Variants in TRIM40 observed in about 807,000 individuals in gnomAD.
TRIM40 encodes the protein E3 ubiquitin ligase TRIM40.
In TRIM40, 27 loss-of-function variants were observed where a neutral mutation model predicts 26.1. The ratio of observed to expected loss-of-function variants is 1.04; its 90% CI spans 0.76 to 1.43. The LOEUF (loss-of-function observed/expected upper bound fraction) is 1.43. TRIM40 is among the 40% of genes most tolerant of loss of function. TRIM40 has a pLI of 0.00. For missense variants in TRIM40, 289 were observed against 307.9 expected (o/e 0.94, Z 0.46); for synonymous variants, 114 against 120.0 (o/e 0.95, Z 0.33).
At chr6:30,142,803 C>T (rs1012435628) in intron 2 of TRIM40, among the ~76,000 whole-genome samples, 3 of 151,500 alleles carry the variant, frequency 2.0e-5, no homozygotes, top group Non-Finnish European at 4.4e-5. Flanking sequence ...GAGTCCTTTC[C>T]ACATTTACGT....
At chr6:30,147,264 C>T in intron 4 of TRIM40, 55 bp downstream of exon 4, 1 of 1,591,986 alleles carries the variant, frequency 6.3e-7, no homozygotes. Flanking sequence ...TAGGAGGCAG[C>T]CCATCTGCAT....
chr6:30,142,578 T>G (rs1771407984), intron 2 of TRIM40, among the ~76,000 whole-genome samples: 1 of 152,196 alleles, frequency 6.6e-6, no homozygotes, highest in African/African-American at 2.4e-5. Flanking sequence ...AAATTTGCAT[T>G]TAAATTGGCT....
chr6:30,138,431 T>G (rs1162256199), intron 2 of TRIM40, among the ~76,000 whole-genome samples: 1 of 152,250 alleles, frequency 6.6e-6, no homozygotes, highest in Non-Finnish European at 1.5e-5. Flanking sequence ...ATTTGTTGAA[T>G]GATTCATATA....
rs562051800 is a variant in TRIM40 at position 30,138,085 on chromosome 6, A to T, written c.345+704A>T. 2.1e-4 allele frequency among the ~76,000 whole-genome samples: 31 copies of T among 144,958 alleles called. No homozygotes were observed. The East Asian group carries it at 6.2e-3, about 29-fold the overall frequency. Reference sequence around the variant, plus strand: ...CACTCTTACACACACACACACACACACACACCCTCAAAGGATTCTCTCTAT... The same window carrying T: ...CACTCTTACACACACACACACACACTCACACCCTCAAAGGATTCTCTCTAT... On this transcript the variant is annotated intron_variant, in intron 2 of 5. Transcript: ENST00000396581.
chr6:30,146,625 A>T (rs3132124), intron 3 of TRIM40, among the ~76,000 whole-genome samples: 90,326 of 151,808 alleles, frequency 0.6, 27,289 homozygotes, highest in South Asian at 0.74. Context: ...GTTAGCCAGG[A>T]TGGTCTCGAT....
chr6:30,147,251 C>T (rs770713362), intron 4 of TRIM40, 42 bp downstream of exon 4: 31 of 1,606,392 alleles, frequency 1.9e-5, no homozygotes, highest in African/African-American at 4.0e-5. Flanking sequence ...GGATTCTCCC[C>T]GATAGGAGGC....
intron 4 of TRIM40, 27 bp downstream of exon 4, chr6:30,147,236 G>C: frequency 6.2e-7 from 1 of 1,612,998 alleles, no homozygotes; most frequent in Non-Finnish European, 8.5e-7. Context: ...CTTCCCCAAG[G>C]GCTGGGATTC....
rs116012628 is a variant in TRIM40 at position 30,136,764 on chromosome 6, C to T, written c.-273C>T. On this transcript the variant is annotated 5_prime_UTR_variant, in exon 2 of 6. Transcript: ENST00000396581. ...GAAAAATAATTTCAAGTTTAACAAA[C>T]ACAAGGAAACCGCAGGGTCCATGTC... 2,452 of 479,922 alleles carry T rather than the reference C, an allele frequency of 5.1e-3. 33 individuals are homozygous for T. Among genetic ancestry groups the T allele is most frequent in the African/African-American group, 0.033 (1,713 of 51,390 alleles). The allele number at this position is 479,922 out of a possible 1,614,324, so 29.7% of individuals were successfully genotyped here.
intron 2 of TRIM40, among the ~76,000 whole-genome samples, chr6:30,142,116 A>AT (rs1208151359): frequency 6.6e-6 from 1 of 151,622 alleles, no homozygotes; most frequent in Non-Finnish European, 1.5e-5. Context: ...TTTTTTACTG[A>AT]TTTTTTCACC....
In TRIM40 at chr6:30,137,228, G is replaced by A. The variant is rs766779827; in HGVS notation, c.192G>A (p.Val64=). The part of the protein sequence containing the change: ...PLCRKPCSEE[V]LGTGYICPNH... ...GCCGGAAGCCCTGTTCTGAGGAGGTGCTAGGGACAGGCTATATCTGCCCCA... is the reference window on the plus strand; with the variant it reads ...GCCGGAAGCCCTGTTCTGAGGAGGTACTAGGGACAGGCTATATCTGCCCCA... The change falls in exon 2 of 6, where the codon GTG becomes GTA. Residue 64 remains valine (V), a synonymous_variant. Transcript: ENST00000396581. The A allele has an allele frequency of 6.8e-6, 11 of 1,613,080 alleles. No homozygotes were observed. The highest frequency in any genetic ancestry group is 1.7e-5 in the Admixed American group (1 of 60,024).
rs1442323160 is a variant in TRIM40, at chr6:30,147,559, C to T, written c.689+17C>T. On this transcript the variant is annotated intron_variant, in intron 5 of 5. Coordinates refer to ENST00000396581, the MANE Select transcript of TRIM40 (RefSeq NM_001286633.2). Reference sequence around the variant, plus strand: ...ACTGAACAGGTACGAGCTGTCCCTTCTTCTTTCCCACATGTGCATATAAAC... The same window carrying T: ...ACTGAACAGGTACGAGCTGTCCCTTTTTCTTTCCCACATGTGCATATAAAC... 4 of 1,614,230 alleles carry T rather than the reference C, an allele frequency of 2.5e-6. No individual in the cohort carries two copies. Among genetic ancestry groups the T allele is most frequent in the Non-Finnish European group, 3.4e-6 (4 of 1,180,046 alleles).
At chr6:30,144,295 A>G (rs2127425215) in intron 2 of TRIM40, among the ~76,000 whole-genome samples, 1 of 152,282 alleles carries the variant, frequency 6.6e-6, no homozygotes, top group East Asian at 1.9e-4. Flanking sequence ...GGCAGTCCCA[A>G]TGTCAGAAAC....
intron 2 of TRIM40, among the ~76,000 whole-genome samples, chr6:30,140,158 G>C (rs374651739): frequency 1.3e-5 from 2 of 152,224 alleles, no homozygotes. Flanking sequence ...GGAAGACAGT[G>C]TGGTGATTCC....
At chr6:30,145,893 T>C (rs111792249) in intron 2 of TRIM40, 101 bp from the exon 3 acceptor site, 3 of 816,916 alleles carry the variant, frequency 3.7e-6, no homozygotes, top group East Asian at 2.6e-5. Flanking sequence ...TTTACATTAG[T>C]TGCATTCTGG....
chr6:30,145,090 C>T (rs1387926803), intron 2 of TRIM40, among the ~76,000 whole-genome samples: 1 of 152,108 alleles, frequency 6.6e-6, no homozygotes, highest in Non-Finnish European at 1.5e-5. Context: ...CTCACACACA[C>T]AGTCCTTTGA....
intron 3 of TRIM40, among the ~76,000 whole-genome samples, 157 bp downstream of exon 3, chr6:30,146,246 C>A (rs1457267199): frequency 2.6e-5 from 4 of 152,112 alleles, no homozygotes; most frequent in Non-Finnish European, 2.9e-5. Context: ...TCAAAGTTTG[C>A]TGGTTGAGTG....
rs768219692 is a variant in TRIM40 at position 30,137,116 on chromosome 6, C to G, written c.80C>G (p.Thr27Ser). The change falls in exon 2 of 6, where the codon ACC becomes AGC. Residue 27 changes from threonine (T) to serine (S), a missense_variant. By Grantham distance (58) the Thr-to-Ser change is moderately conservative (BLOSUM62 1). Transcript: ENST00000396581. ...CQESLKEAVS[T>S]NCGHLFCRVC... Reference sequence around the variant, plus strand: ...GAGAGCCTGAAGGAGGCCGTGAGCACCAACTGCGGACATCTCTTCTGTCGA... The same window carrying G: ...GAGAGCCTGAAGGAGGCCGTGAGCAGCAACTGCGGACATCTCTTCTGTCGA... The G allele has an allele frequency of 1.9e-6, 3 of 1,613,108 alleles. No homozygotes were observed. Among genetic ancestry groups the G allele is most frequent in the South Asian group, 2.2e-5 (2 of 91,090 alleles).
intron 1 of TRIM40, 53 bp downstream of exon 1, chr6:30,136,242 T>G (rs1176643559): frequency 6.6e-6 from 1 of 152,278 alleles, no homozygotes; most frequent in Non-Finnish European, 1.5e-5. Context: ...AGGTGCAGCA[T>G]GAGGGAATAA....
chr6:30,148,157 T>C lies in TRIM40; in HGVS notation c.*345T>C, dbSNP rs1323142118. On this transcript the variant is annotated 3_prime_UTR_variant, in exon 6 of 6. Transcript: ENST00000396581. ...TCATTCAAATAGGATCCTCCAGGCC[T>C]CTGAATGGCCCGAGCTCATCAGCAG... is the stretch of plus-strand genomic sequence containing the variant. 1 of 378,540 alleles carries C rather than the reference T, an allele frequency of 2.6e-6. No homozygotes were observed. The highest frequency in any genetic ancestry group is 4.8e-6 in the Non-Finnish European group (1 of 206,882). The allele number at this position is 378,540 out of a possible 1,614,324, so 23.4% of individuals were successfully genotyped here. A position where few individuals can be genotyped will look rare whatever the true frequency, so the allele number is the denominator to read the frequency against.
Sources: gnomAD v4.1 joint callset for allele counts (sites outside exome capture counted in the v4.1 genomes callset) on GRCh38, gnomAD v4.1.1 for gene constraint, MANE v1.5 for transcripts, NCBI Gene and HGNC (gene_info 2026-07-23, HGNC 2026-07-21) for gene names.